The following CPNE4 variants were observed in gnomAD, a reference collection of about 807,000 sequenced individuals.
CPNE4 encodes the protein copine-4.
CPNE4 carries 25 observed loss-of-function variants against 67.9 expected under a neutral mutation model. That is an observed-to-expected ratio of 0.37 (90% CI 0.27 to 0.51). The LOEUF (loss-of-function observed/expected upper bound fraction) is 0.51. Among genes scored for constraint, CPNE4 ranks in the 20% least tolerant of loss-of-function variants. The pLI is 0.93. For synonymous variants in CPNE4, 242 were observed against 244.9 expected (o/e 0.99, Z 0.11); for missense variants, 464 against 690.8 (o/e 0.67, Z 3.68).
chr3:131,851,139 G>A (rs1484632274), intron 2 of CPNE4, among the ~76,000 whole-genome samples: 1 of 152,022 alleles, frequency 6.6e-6, no homozygotes, highest in Admixed American at 6.6e-5. Flanking sequence ...GTACATGTAT[G>A]TATGTAAATA....
chr3:131,907,844 GTT>G (rs1032533394), intron 1 of CPNE4, among the ~76,000 whole-genome samples: 3 of 152,112 alleles, frequency 2.0e-5, no homozygotes, highest in African/African-American at 7.2e-5. Context: ...GAAATTTGTA[GTT>G]TTGGAGAGTT....
chr3:131,590,061 C>T (rs1049855908), intron 7 of CPNE4, among the ~76,000 whole-genome samples: 9 of 152,106 alleles, frequency 5.9e-5, no homozygotes, highest in Non-Finnish European at 1.2e-4. Context: ...ACTATGATGT[C>T]TAATTTTCAA....
chr3:131,761,633 T>G (rs1395569273), intron 2 of CPNE4, among the ~76,000 whole-genome samples: 3 of 152,040 alleles, frequency 2.0e-5, no homozygotes, highest in Non-Finnish European at 4.4e-5. Flanking sequence ...AGGTCAAGCT[T>G]AACCAGATGC....
chr3:131,696,420 G>T, intron 5 of CPNE4, 122 bp downstream of exon 5: 1 of 841,070 alleles, frequency 1.2e-6, no homozygotes, highest in Non-Finnish European at 1.9e-6. Flanking sequence ...AGACCTCTCT[G>T]AATTTTTGGA....
intron 2 of CPNE4, among the ~76,000 whole-genome samples, chr3:131,807,978 CT>C (rs1406577387): frequency 2.6e-5 from 4 of 152,130 alleles, no homozygotes; most frequent in Admixed American, 2.6e-4. Flanking sequence ...GAAAAACTCT[CT>C]GGCATGAAGC....
chr3:131,906,327 T>C (rs1429135887), intron 1 of CPNE4, among the ~76,000 whole-genome samples: 2 of 151,910 alleles, frequency 1.3e-5, no homozygotes, highest in African/African-American at 4.8e-5. Context: ...TATGTATACA[T>C]GTGCCATGCC....
intron 2 of CPNE4, among the ~76,000 whole-genome samples, chr3:131,763,253 T>A (rs2082932856): frequency 6.6e-6 from 1 of 152,132 alleles, no homozygotes; most frequent in Admixed American, 6.6e-5. Context: ...ATAACTGAGA[T>A]AACATGAATC....
At chr3:131,948,531 A>C (rs1177288327) in intron 1 of CPNE4, among the ~76,000 whole-genome samples, 1 of 152,226 alleles carries the variant, frequency 6.6e-6, no homozygotes, top group East Asian at 1.9e-4. Context: ...TGTTATTGTA[A>C]GTGAAATTGT....
At chr3:132,012,991 G>A (rs2073805843) in intron 1 of CPNE4, among the ~76,000 whole-genome samples, 1 of 152,230 alleles carries the variant, frequency 6.6e-6, no homozygotes, top group Non-Finnish European at 1.5e-5. Context: ...GGGAGGCTGA[G>A]GCGGGTGGAT....
At chr3:131,846,644 T>C (rs1458581566) in intron 2 of CPNE4, among the ~76,000 whole-genome samples, 1 of 152,170 alleles carries the variant, frequency 6.6e-6, no homozygotes. Context: ...ACAGAAAACA[T>C]GGCAAAAATA....
intron 7 of CPNE4, among the ~76,000 whole-genome samples, chr3:131,595,746 A>G (rs9860991): frequency 0.078 from 11,841 of 152,250 alleles, 507 homozygotes; most frequent in African/African-American, 0.088. Context: ...CTCCACCCCT[A>G]TGACCCAAAC....
At chr3:131,771,675 C>T (rs898662406) in intron 2 of CPNE4, among the ~76,000 whole-genome samples, 4 of 152,042 alleles carry the variant, frequency 2.6e-5, no homozygotes, top group Non-Finnish European at 4.4e-5. Context: ...CCAAATAAAC[C>T]TGTTTTCTTT....
At chr3:131,777,264 A>C (rs1381268700) in intron 2 of CPNE4, among the ~76,000 whole-genome samples, 1 of 152,028 alleles carries the variant, frequency 6.6e-6, no homozygotes, top group Non-Finnish European at 1.5e-5. Flanking sequence ...CTTTCAATGC[A>C]CTCTGCCCTA....
intron 6 of CPNE4, among the ~76,000 whole-genome samples, chr3:131,680,163 C>G (rs1403731071): frequency 6.6e-6 from 1 of 151,840 alleles, no homozygotes; most frequent in Non-Finnish European, 1.5e-5. Flanking sequence ...TGAATTAAAA[C>G]TTTTACCATT....
At chr3:131,905,468 A>G (rs765054603) in intron 1 of CPNE4, 24 bp from the exon 2 acceptor site, 2 of 1,593,310 alleles carry the variant, frequency 1.3e-6, no homozygotes, top group Non-Finnish European at 1.7e-6. Context: ...GTAAAAGAAT[A>G]AAAAAGAAGT....
chr3:131,865,363 C>G lies in CPNE4; in HGVS notation c.180+39901G>C, dbSNP rs575099603. The stretch of plus-strand genomic sequence containing the variant: ...GAATTTTTTTGGTTGGTAATAAGCT[C>G]TTATATTTGTAATGCATATTAGTCC... On this transcript the variant is annotated intron_variant, in intron 2 of 15. Transcript: ENST00000429747. Among the ~76,000 whole-genome samples, 10 of 152,044 alleles carry G rather than the reference C, an allele frequency of 6.6e-5. 1 individual carries two copies. Among genetic ancestry groups the G allele is most frequent in the Admixed American group, 2.0e-4 (3 of 15,244 alleles).
chr3:131,538,966 T>C (rs1481144737), intron 15 of CPNE4: 2 of 152,178 alleles, frequency 1.3e-5, no homozygotes, highest in East Asian at 3.8e-4. Flanking sequence ...TATTCTGTTA[T>C]ATGAGCAGGA....
intron 2 of CPNE4, among the ~76,000 whole-genome samples, chr3:131,894,000 G>C (rs1309902902): frequency 6.6e-6 from 1 of 151,628 alleles, no homozygotes; most frequent in Admixed American, 6.6e-5. Context: ...ACAAAAAAAA[G>C]ATTCAAAAGA....
intron 2 of CPNE4, among the ~76,000 whole-genome samples, chr3:131,735,916 C>T (rs530138741): frequency 5.5e-4 from 84 of 152,360 alleles, no homozygotes; most frequent in South Asian, 4.1e-3. Flanking sequence ...TCCCCTACCT[C>T]CTCCTAAAAT....
Sources: gnomAD v4.1 joint callset for allele counts (sites outside exome capture counted in the v4.1 genomes callset) on GRCh38, gnomAD v4.1.1 for gene constraint, MANE v1.5 for transcripts, NCBI Gene and HGNC (gene_info 2026-07-23, HGNC 2026-07-21) for gene names.